GCN1: variants seen among roughly 807,000 people sequenced by gnomAD.
GCN1 encodes GCN1 activator of EIF2AK4.
In GCN1, 90 loss-of-function variants were observed where a neutral mutation model predicts 288.4. The ratio of observed to expected loss-of-function variants is 0.31; its 90% confidence interval spans 0.26 to 0.37. The LOEUF (loss-of-function observed/expected upper bound fraction) is 0.37. Ranked by LOEUF, GCN1 falls within the 10% of genes least tolerant of loss-of-function variation. The probability of loss-of-function intolerance (pLI) is 1.00; values close to 1 mark genes in which losing one functional copy is unlikely to be tolerated. For missense variants in GCN1, 2,586 were observed against 3,419.9 expected (o/e 0.76, Z 6.08); for synonymous variants, 1,386 against 1,420.2 (o/e 0.98, Z 0.54).
Position 120,184,255 on chromosome 12 carries a change from G to A in GCN1, c.186-12C>T, listed in dbSNP as rs774470410. 10 of 1,609,216 alleles carry A rather than the reference G, an allele frequency of 6.2e-6. No individual in the cohort carries two copies. In the Admixed American group the frequency reaches 6.7e-5, roughly 11 times the overall value. On this transcript the variant is annotated splice_polypyrimidine_tract_variant and intron_variant, in intron 3 of 57. Transcript: ENST00000300648. ...GGGAGGCTGCATCTCTAGGGGGAGA[G>A]GCAAAGGAAAGGGTGAACATGCAGA... is the stretch of plus-strand genomic sequence containing the variant.
At position 120,173,757 on chromosome 12, in the gene GCN1, A is replaced by G; in HGVS notation, c.1262T>C (p.Val421Ala). 1 of 1,613,556 alleles carries G rather than the reference A, an allele frequency of 6.2e-7. No individual in the cohort carries two copies. Among genetic ancestry groups the G allele is most frequent in the Non-Finnish European group, 8.5e-7 (1 of 1,179,446 alleles). The change falls in exon 14 of 58, where the codon GTG becomes GCG. Residue 421 changes from valine (V) to alanine (A), a missense_variant. Val to Ala is a moderately conservative substitution (Grantham distance 64, BLOSUM62 0). This residue lies in a region of GCN1 where 913 missense variants were observed against 1,107.0 expected (regional missense o/e 0.82). Transcript: ENST00000300648. ...GAACCATTCAGTGAGCTTCTTGGGCACTTCCATAGTGAATCGGTTACACCA... is the reference window on the plus strand; with the variant it reads ...GAACCATTCAGTGAGCTTCTTGGGCGCTTCCATAGTGAATCGGTTACACCA... Reference protein sequence around the residue: ...ALWCNRFTMEVPKKLTEWFKK... With the variant: ...ALWCNRFTMEAPKKLTEWFKK...
intron 2 of GCN1, among the ~76,000 whole-genome samples, chr12:120,185,432 T>G (rs963891126): frequency 1.1e-4 from 16 of 152,102 alleles, no homozygotes; most frequent in Non-Finnish European, 1.8e-4. Flanking sequence ...GAGATACATG[T>G]AGAGTGCAGG....
rs1294012086 is a variant in GCN1, at chr12:120,151,071, G to A, written c.4309+74C>T. ...CAACGGCCTCCACCTGGGGCGCCAC[G>A]GTCAGATTCCTTCCTCTGGCAACCT... On this transcript the variant is annotated intron_variant, in intron 34 of 57. Transcript: ENST00000300648. 1.6e-5 allele frequency: 24 copies of A among 1,539,102 alleles called. 1 individual carries two copies. Among genetic ancestry groups the A allele is most frequent in the South Asian group, 3.6e-5 (3 of 83,598 alleles).
At chr12:120,128,837 C>CTTTTTTTTTTT (rs35329199) in intron 57 of GCN1, among the ~76,000 whole-genome samples, 1 of 98,414 alleles carries the variant, frequency 1.0e-5, no homozygotes, top group African/African-American at 4.6e-5. Flanking sequence ...TCACCCAAAT[C>CTTTTTTTTTTT]TTTTTTTTTT....
intron 11 of GCN1, 35 bp downstream of exon 11, chr12:120,175,711 C>T (rs1037355366): frequency 3.1e-6 from 5 of 1,594,912 alleles, no homozygotes; most frequent in African/African-American, 1.3e-5. Flanking sequence ...GGGGCCACGC[C>T]TCAACCACCC....
chr12:120,131,098 C>A, intron 55 of GCN1, 87 bp downstream of exon 55: 1 of 1,212,816 alleles, frequency 8.2e-7, no homozygotes, highest in Non-Finnish European at 1.2e-6. Flanking sequence ...TCTTAAGCCC[C>A]AGTCTGGGGT....
chr12:120,152,061 ACT>A (rs1877572842), intron 33 of GCN1, among the ~76,000 whole-genome samples: 2 of 151,944 alleles, frequency 1.3e-5, no homozygotes, highest in African/African-American at 4.8e-5. Flanking sequence ...ATAGGGTCTT[ACT>A]CTGTCACCCA....
chr12:120,145,074 C>T lies in GCN1; in HGVS notation c.5017-13G>A. On this transcript the variant is annotated splice_polypyrimidine_tract_variant and intron_variant, in intron 39 of 57. Transcript: ENST00000300648. Reference sequence around the variant, plus strand: ...ATACGGTCCGCACCTGTCAGGTAACCGAGAGCAGAGATGGTGTGAGAAGAT... The same window carrying T: ...ATACGGTCCGCACCTGTCAGGTAACTGAGAGCAGAGATGGTGTGAGAAGAT... 6.2e-7 allele frequency: 1 copy of T among 1,613,880 alleles called. No individual in the cohort carries two copies. Among genetic ancestry groups the T allele is most frequent in the Non-Finnish European group, 8.5e-7 (1 of 1,180,012 alleles).
chr12:120,181,487 G>C (rs199599367), intron 5 of GCN1, among the ~76,000 whole-genome samples: 1 of 59,882 alleles, frequency 1.7e-5, no homozygotes, highest in Non-Finnish European at 3.4e-5. Flanking sequence ...AAAAAAAAAA[G>C]AAGTCTGCAG....
chr12:120,142,523 C>T lies in GCN1; in HGVS notation c.5813G>A (p.Cys1938Tyr), dbSNP rs772056382. Reference protein sequence around the residue: ...GLLLGFLASTCADKRTIAART... With the variant: ...GLLLGFLASTYADKRTIAART... ...GAAACTCACCGTTCTCTTATCTGCA[C>T]ACGTGCTGGCCAGGAAACCCAGCAG... The change falls in exon 44 of 58, where the codon TGT becomes TAT. Residue 1938 changes from cysteine (C) to tyrosine (Y), a missense_variant. By Grantham distance (194) the Cys-to-Tyr change is radical (BLOSUM62 -2). Transcript: ENST00000300648. The surrounding 1 kb of genome is among the most constrained non-coding windows in gnomAD (Gnocchi z 4.9). 6.2e-6 allele frequency: 10 copies of T among 1,613,692 alleles called. No individual in the cohort carries two copies. Among genetic ancestry groups the T allele is most frequent in the Non-Finnish European group, 8.5e-6 (10 of 1,179,878 alleles).
chr12:120,155,555 G>A lies in GCN1; in HGVS notation c.3440+37C>T. 6.2e-7 allele frequency: 1 copy of A among 1,612,932 alleles called. No homozygotes were observed. The highest frequency in any genetic ancestry group is 8.5e-7 in the Non-Finnish European group (1 of 1,179,018). Reference sequence around the variant, plus strand: ...TCAGTTATTTCCTAAAGGAAGAGAGGATGCAGCAGGAGAAAGCGACATGCT... The same window carrying A: ...TCAGTTATTTCCTAAAGGAAGAGAGAATGCAGCAGGAGAAAGCGACATGCT... On this transcript the variant is annotated intron_variant, in intron 29 of 57. Transcript: ENST00000300648. The surrounding 1 kb of genome is among the most constrained non-coding windows in gnomAD (Gnocchi z 4.9).
intron 31 of GCN1, 118 bp from the exon 32 acceptor site, chr12:120,154,027 G>C (rs986302990): frequency 4.6e-5 from 37 of 811,598 alleles, no homozygotes; most frequent in Non-Finnish European, 6.4e-5. Flanking sequence ...ACTGTTTTGG[G>C]GGCAGAGAAC....
chr12:120,175,636 C>G (rs781247500), intron 11 of GCN1, 110 bp downstream of exon 11: 3 of 1,171,764 alleles, frequency 2.6e-6, no homozygotes, highest in African/African-American at 1.6e-5. Context: ...CCTGGCCACA[C>G]AGCCTTGCCA....
intron 57 of GCN1, among the ~76,000 whole-genome samples, chr12:120,128,837 CTTTTTTTTTTTT>C (rs35329199): frequency 5.1e-5 from 5 of 98,414 alleles, no homozygotes; most frequent in African/African-American, 2.3e-4. Flanking sequence ...TCACCCAAAT[CTTTTTTTTTTTT>C]TTTTTTTTTT....
intron 2 of GCN1, among the ~76,000 whole-genome samples, chr12:120,190,044 G>C (rs150241808): frequency 7.9e-5 from 12 of 151,636 alleles, no homozygotes; most frequent in African/African-American, 4.8e-5. Flanking sequence ...ACTGTCATTC[G>C]AGAAACCCCA....
chr12:120,177,360 C>T (rs1878513934), intron 9 of GCN1, 87 bp downstream of exon 9: 1 of 701,046 alleles, frequency 1.4e-6, no homozygotes, highest in African/African-American at 1.8e-5. Flanking sequence ...CTCCCCCCTA[C>T]CACACACACT....
rs910783610 is a variant in GCN1 at position 120,130,551 on chromosome 12, A to T, written c.7671+95T>A. 2.2e-5 allele frequency: 18 copies of T among 805,498 alleles called. No homozygotes were observed. The African/African-American group carries it at 3.0e-4, about 14-fold the overall frequency. 49.9% of individuals were successfully genotyped at this position (805,498 alleles called of 1,614,324 possible). A position where few individuals can be genotyped will look rare whatever the true frequency, so the allele number is the denominator to read the frequency against. Reference sequence around the variant, plus strand: ...GGCCGTCCACGGAGAACTAGCACACAACTAGTTGAGGGCGCACTGCTGGTG... The same window carrying T: ...GGCCGTCCACGGAGAACTAGCACACTACTAGTTGAGGGCGCACTGCTGGTG... On this transcript the variant is annotated intron_variant, in intron 56 of 57. Transcript: ENST00000300648.
Position 120,155,028 on chromosome 12 carries a change from C to G in GCN1, c.3643G>C (p.Val1215Leu). 1 of 1,613,826 alleles carries G rather than the reference C, an allele frequency of 6.2e-7. No individual in the cohort carries two copies. The highest frequency in any genetic ancestry group is 8.5e-7 in the Non-Finnish European group (1 of 1,179,652). ...ATAACTCGTCCCAAAGCATCCAGCA[C>G]TGGGGGCGGCCGCTGCAACAGACAA... ...YQEKLYRPPP[V>L]LDALGRVISE... is the part of the protein sequence containing the mutation. Residue 1215 changes from valine to leucine, a missense_variant, in exon 31 of 58, where the codon GTG becomes CTG. Coordinates refer to ENST00000300648, the MANE Select transcript of GCN1 (RefSeq NM_006836.2). This position sits in a 1 kb window ranked among gnomAD's most constrained non-coding sequence, Gnocchi z 4.9.
At chr12:120,188,848 C>CAA (rs780062013) in intron 2 of GCN1, among the ~76,000 whole-genome samples, 4 of 70,904 alleles carry the variant, frequency 5.6e-5, no homozygotes, top group Non-Finnish European at 9.2e-5. Context: ...GACTCCGTCT[C>CAA]AAAAAAAAAA....
Sources: gnomAD v4.1 joint callset for allele counts (sites outside exome capture counted in the v4.1 genomes callset) on GRCh38, gnomAD v4.1.1 for gene constraint, gnomAD v4.1.1 regional missense constraint, Gnocchi (gnomAD v3.1) non-coding constraint, MANE v1.5 for transcripts, NCBI Gene and HGNC (gene_info 2026-07-23, HGNC 2026-07-21) for gene names.